The following RFTN1 variants were observed in gnomAD, a reference collection of about 807,000 sequenced individuals.
RFTN1 encodes the protein raftlin, lipid raft linker 1.
In RFTN1, 26 loss-of-function variants were observed where a neutral mutation model predicts 46.5. That is an observed-to-expected ratio of 0.56 (90% CI 0.41 to 0.78). The LOEUF (loss-of-function observed/expected upper bound fraction) is 0.78, where lower values mean the gene tolerates loss of function less well. RFTN1 is among the 30% of genes least tolerant of loss of function. The pLI is 0.00. For synonymous variants in RFTN1, 261 were observed against 284.2 expected, an observed-to-expected ratio of 0.92 and a Z score of 0.82; for missense variants, 693 against 718.7, an observed-to-expected ratio of 0.96 and a Z score of 0.41.
rs558465865 is a variant in RFTN1, at chr3:16,424,180, G to A, written c.332+9671C>T. Among the ~76,000 whole-genome samples the A allele has an allele frequency of 6.6e-6, 1 of 152,250 alleles. No individual in the cohort carries two copies. Among genetic ancestry groups the A allele is most frequent in the Non-Finnish European group, 1.5e-5 (1 of 68,022 alleles). ...TCTGAGGATGTTTCTATAAGCTCTG[G>A]GGCCTCTGAGTTGAAAGATGATGTA... On this transcript the variant is annotated intron_variant, in intron 3 of 9. Coordinates refer to ENST00000334133, the MANE Select transcript of RFTN1 (RefSeq NM_015150.2). The surrounding 1 kb of genome is among the most constrained non-coding windows in gnomAD (Gnocchi z 4.7).
chr3:16,455,643 G>T (rs191574959), intron 2 of RFTN1, among the ~76,000 whole-genome samples: 85 of 152,226 alleles, frequency 5.6e-4, no homozygotes, highest in Non-Finnish European at 6.5e-4. Flanking sequence ...GGGGGTGGAG[G>T]TGTCTGCTGT....
chr3:16,316,900 G>T lies in RFTN1; in HGVS notation c.1665C>A (p.Ser555=). 6.2e-7 allele frequency: 1 copy of T among 1,614,160 alleles called. No individual in the cohort carries two copies. The highest frequency in any genetic ancestry group is 8.5e-7 in the Non-Finnish European group (1 of 1,180,038). Residue 555 remains serine (S), a synonymous_variant, in exon 10 of 10, where the codon TCC becomes TCA. Coordinates refer to ENST00000334133, the MANE Select transcript of RFTN1 (RefSeq NM_015150.2). The surrounding 1 kb of genome is among the most constrained non-coding windows in gnomAD (Gnocchi z 4.5). The part of the protein sequence containing the change: ...RALVGICTGH[S]NPGEDARDGD... ...CGTCCCTGGCATCCTCTCCAGGATT[G>T]GAGTGCCCAGTGCAAATCCCCACCA... is the stretch of plus-strand genomic sequence containing the variant.
rs531480446 is a variant in RFTN1 at position 16,369,149 on chromosome 3, A to G, written c.1030+927T>C. ...TGGATGATTTAAAGTACATTCATTT[A>G]GAATTCAGAATGGTCTCTATTCTCA... On this transcript the variant is annotated intron_variant, in intron 6 of 9. Transcript: ENST00000334133. Among the ~76,000 whole-genome samples the G allele has an allele frequency of 2.3e-3, 346 of 152,394 alleles. 3 individuals carry two copies. The highest frequency in any genetic ancestry group is 0.017 in the Middle Eastern group (5 of 294).
At chr3:16,434,175 T>C (rs2075451176) in intron 2 of RFTN1, 138 bp from the exon 3 acceptor site, 1 of 713,840 alleles carries the variant, frequency 1.4e-6, no homozygotes, top group Admixed American at 3.0e-5. Context: ...TTTTACTGTC[T>C]TCAAACAGAC....
chr3:16,472,995 G>A (rs527283599), intron 2 of RFTN1, among the ~76,000 whole-genome samples: 6 of 152,134 alleles, frequency 3.9e-5, no homozygotes, highest in South Asian at 2.1e-4. Flanking sequence ...CAGGTAGGGC[G>A]ACCCCAAAAG....
chr3:16,445,422 A>C (rs1575303518), intron 2 of RFTN1, among the ~76,000 whole-genome samples: 1 of 136,390 alleles, frequency 7.3e-6, no homozygotes, highest in African/African-American at 2.8e-5. Context: ...CTTTCCCCCC[A>C]CTCTGTCTCT....
rs1315450717 is a variant in RFTN1 at position 16,376,500 on chromosome 3, C to A, written c.826+1218G>T. Among the ~76,000 whole-genome samples, 1 of 152,132 alleles carries A rather than the reference C, an allele frequency of 6.6e-6. No individual in the cohort carries two copies. Among genetic ancestry groups the A allele is most frequent in the African/African-American group, 2.4e-5 (1 of 41,422 alleles). ...TCAGAGCACACACATCCAGCCCAGC[C>A]TCCATGAGAAGATGGAGGTTTCTGG... On this transcript the variant is annotated intron_variant, in intron 5 of 9. Transcript: ENST00000334133. This position sits in a 1 kb window ranked among gnomAD's most constrained non-coding sequence, Gnocchi z 4.7.
rs2125225541 is a variant in RFTN1, at chr3:16,326,754, T to C, written c.1250+19A>G. On this transcript the variant is annotated intron_variant, in intron 8 of 9. Coordinates refer to ENST00000334133, the MANE Select transcript of RFTN1 (RefSeq NM_015150.2). ...GAGTAAGTGTTCAATAGAATCCTAA[T>C]GATTACTGTTATTGTTACCTGGTAG... 1 of 1,580,790 alleles carries C rather than the reference T, an allele frequency of 6.3e-7. No individual in the cohort carries two copies. Among genetic ancestry groups the C allele is most frequent in the Non-Finnish European group, 8.7e-7 (1 of 1,149,834 alleles).
At chr3:16,390,332 C>T (rs983246085) in intron 4 of RFTN1, among the ~76,000 whole-genome samples, 2 of 152,122 alleles carry the variant, frequency 1.3e-5, no homozygotes, top group Non-Finnish European at 1.5e-5. Flanking sequence ...CTCAAATATA[C>T]AGAAATGTAA....
rs689779 is a variant in RFTN1 at position 16,351,804 on chromosome 3, C to G, written c.1146+6128G>C. Among the ~76,000 whole-genome samples the G allele has an allele frequency of 0.37, 56,774 of 152,108 alleles. 11,301 individuals are homozygous for G. Among genetic ancestry groups the G allele is most frequent in the East Asian group, 0.45 (2,350 of 5,174 alleles). Reference sequence around the variant, plus strand: ...AACTAAGTTGAATTCCTTGAATAGACTCAGCAAAGAACAATCACTAAAAAG... The same window carrying G: ...AACTAAGTTGAATTCCTTGAATAGAGTCAGCAAAGAACAATCACTAAAAAG... On this transcript the variant is annotated intron_variant, in intron 7 of 9. Transcript: ENST00000334133. The surrounding 1 kb of genome is among the most constrained non-coding windows in gnomAD (Gnocchi z 5.4).
At position 16,469,287 on chromosome 3, in the gene RFTN1, G is replaced by C. The variant is rs192739847; in HGVS notation, c.145+24438C>G. 3.3e-5 allele frequency among the ~76,000 whole-genome samples: 5 copies of C among 152,356 alleles called. No individual in the cohort carries two copies. In the East Asian group the frequency reaches 9.6e-4, roughly 29 times the overall value. On this transcript the variant is annotated intron_variant, in intron 2 of 9. Coordinates refer to ENST00000334133, the MANE Select transcript of RFTN1 (RefSeq NM_015150.2). Reference sequence around the variant, plus strand: ...AGAATTAATATATGTGAAGGACTTCGAAGCGTGACTGGTATATATTAGGTG... The same window carrying C: ...AGAATTAATATATGTGAAGGACTTCCAAGCGTGACTGGTATATATTAGGTG...
chr3:16,375,175 G>C (rs1203572010), intron 5 of RFTN1, among the ~76,000 whole-genome samples: 2 of 152,092 alleles, frequency 1.3e-5, no homozygotes, highest in African/African-American at 4.8e-5. Flanking sequence ...GGCAAGCTGG[G>C]AGCTGAGCAG....
rs2075961934 is a variant in RFTN1 at position 16,459,006 on chromosome 3, G to C, written c.146-24969C>G. ...TTGGAGAGCAGTGATGCCATCACAG[G>C]TCACTGCAGCCTCGACCTCCCAGAC... On this transcript the variant is annotated intron_variant, in intron 2 of 9. Transcript: ENST00000334133. The surrounding 1 kb of genome is among the most constrained non-coding windows in gnomAD (Gnocchi z 4.2). Among the ~76,000 whole-genome samples the C allele has an allele frequency of 1.3e-5, 2 of 152,234 alleles. No homozygotes were observed. Among genetic ancestry groups the C allele is most frequent in the South Asian group, 2.1e-4 (1 of 4,810 alleles).
At chr3:16,467,250 G>C (rs1191294215) in intron 2 of RFTN1, among the ~76,000 whole-genome samples, 2 of 152,176 alleles carry the variant, frequency 1.3e-5, no homozygotes, top group Admixed American at 6.5e-5. Context: ...TTGGAAATGA[G>C]GGAAGGCAGG....
rs1380730868 is a variant in RFTN1, at chr3:16,334,690, A to G, written c.1147-7814T>C. On this transcript the variant is annotated intron_variant, in intron 7 of 9. Coordinates refer to ENST00000334133, the MANE Select transcript of RFTN1 (RefSeq NM_015150.2). This position sits in a 1 kb window ranked among gnomAD's most constrained non-coding sequence, Gnocchi z 4.3. The stretch of plus-strand genomic sequence containing the variant: ...ATGGAAATGTCCAGGAGGCAACTAA[A>G]TGAAACAGCCTGTGGTAGACAGAAT... Among the ~76,000 whole-genome samples the G allele has an allele frequency of 6.6e-6, 1 of 152,216 alleles. No individual in the cohort carries two copies. The highest frequency in any genetic ancestry group is 1.5e-5 in the Non-Finnish European group (1 of 68,032).
chr3:16,465,532 GA>G lies in RFTN1; in HGVS notation c.145+28192del, dbSNP rs2076076232. Among the ~76,000 whole-genome samples, 1 of 151,828 alleles carries G rather than the reference GA, an allele frequency of 6.6e-6. No homozygotes were observed. Among genetic ancestry groups the G allele is most frequent in the African/African-American group, 2.4e-5 (1 of 41,358 alleles). On this transcript the variant is annotated intron_variant, in intron 2 of 9. Transcript: ENST00000334133. The surrounding 1 kb of genome is among the most constrained non-coding windows in gnomAD (Gnocchi z 5.1). Reference sequence around the variant, plus strand: ...TTCGAAACTTAACAATAATTTAAAAGAAAGGCCACTTGCTTTCCCCTCTTCT... The same window carrying G: ...TTCGAAACTTAACAATAATTTAAAAGAAGGCCACTTGCTTTCCCCTCTTCT...
intron 5 of RFTN1, among the ~76,000 whole-genome samples, chr3:16,372,806 G>C (rs761674904): frequency 1.3e-5 from 2 of 152,290 alleles, no homozygotes; most frequent in East Asian, 3.9e-4. Flanking sequence ...CCTCCCCAGG[G>C]GGCCAGACTG....
rs1009955998 is a variant in RFTN1, at chr3:16,498,204, G to A, written c.-8-4327C>T. 2.6e-5 allele frequency among the ~76,000 whole-genome samples: 4 copies of A among 152,220 alleles called. No homozygotes were observed. The highest frequency in any genetic ancestry group is 6.5e-5 in the Admixed American group (1 of 15,278). Reference sequence around the variant, plus strand: ...ATACTTGAGTCATTACATAACGACTGCAACTTAGTTTAGTAGGTAAACTAT... The same window carrying A: ...ATACTTGAGTCATTACATAACGACTACAACTTAGTTTAGTAGGTAAACTAT... On this transcript the variant is annotated intron_variant, in intron 1 of 9. Transcript: ENST00000334133. The surrounding 1 kb of genome is among the most constrained non-coding windows in gnomAD (Gnocchi z 5.2).
At position 16,387,321 on chromosome 3, in the gene RFTN1, G is replaced by A. The variant is rs1203651686; in HGVS notation, c.442-9219C>T. On this transcript the variant is annotated intron_variant, in intron 4 of 9. Coordinates refer to ENST00000334133, the MANE Select transcript of RFTN1 (RefSeq NM_015150.2). This position sits in a 1 kb window ranked among gnomAD's most constrained non-coding sequence, Gnocchi z 5.2. ...GATCAGCTGTCTTGTGCTTCCCCAG[G>A]GCTTTCTCCCCTCTGCTGGGTCCCA... Among the ~76,000 whole-genome samples the A allele has an allele frequency of 6.6e-6, 1 of 152,132 alleles. No homozygotes were observed. Among genetic ancestry groups the A allele is most frequent in the Non-Finnish European group, 1.5e-5 (1 of 68,028 alleles).
Sources: gnomAD v4.1 joint callset for allele counts (sites outside exome capture counted in the v4.1 genomes callset) on GRCh38, gnomAD v4.1.1 for gene constraint, Gnocchi (gnomAD v3.1) non-coding constraint, MANE v1.5 for transcripts, NCBI Gene and HGNC (gene_info 2026-07-23, HGNC 2026-07-21) for gene names.